The following ACSL1 variants were observed in gnomAD, a reference collection of about 807,000 sequenced individuals.
ACSL1 encodes acyl-CoA synthetase long chain family member 1, also known as long-chain-fatty-acid--CoA ligase 1.
In ACSL1, 41 loss-of-function variants were observed where a neutral mutation model predicts 98.4. The observed-to-expected ratio is 0.42, with a 90% CI of 0.32 to 0.54. The LOEUF is 0.54. ACSL1 is among the 20% of genes least tolerant of loss of function. ACSL1 has a pLI of 0.13. For missense variants in ACSL1, 734 were observed against 883.1 expected (o/e 0.83, Z 2.14); for synonymous variants, 316 against 322.7 (o/e 0.98, Z 0.22).
intron 12 of ACSL1, among the ~76,000 whole-genome samples, chr4:184,767,075 A>G (rs756663603): frequency 5.3e-5 from 8 of 152,098 alleles, no homozygotes; most frequent in Non-Finnish European, 8.8e-5. Flanking sequence ...TGAGCTCAGG[A>G]GTTTGAGTCC....
chr4:184,775,664 G>A (rs1343088168), intron 7 of ACSL1, among the ~76,000 whole-genome samples: 1 of 152,118 alleles, frequency 6.6e-6, no homozygotes, highest in Non-Finnish European at 1.5e-5. Context: ...GGGTTCCTCA[G>A]GAAAGGTTCT....
At chr4:184,795,920 C>CT (rs1379426373) in intron 2 of ACSL1, among the ~76,000 whole-genome samples, 5 of 152,202 alleles carry the variant, frequency 3.3e-5, no homozygotes, top group Non-Finnish European at 7.3e-5. Context: ...AAAAACACCC[C>CT]CTCTAAGCAT....
chr4:184,759,398 G>A (rs1219581127), intron 18 of ACSL1, among the ~76,000 whole-genome samples: 1 of 152,084 alleles, frequency 6.6e-6, no homozygotes, highest in Admixed American at 6.6e-5. Flanking sequence ...GAGCGAACAG[G>A]CAACCTACAG....
At chr4:184,786,642 G>C (rs1767393794) in intron 3 of ACSL1, among the ~76,000 whole-genome samples, 1 of 151,694 alleles carries the variant, frequency 6.6e-6, no homozygotes, top group South Asian at 2.1e-4. Flanking sequence ...AACTCGCCAA[G>C]CTGAGACATC....
At chr4:184,790,423 A>AC (rs1362840274) in intron 2 of ACSL1, among the ~76,000 whole-genome samples, 1 of 152,156 alleles carries the variant, frequency 6.6e-6, no homozygotes, top group African/African-American at 2.4e-5. Context: ...TGTGTGCTAC[A>AC]TGTGTGTATT....
Position 184,773,768 on chromosome 4 carries a change from A to G in ACSL1, c.790-54T>C, listed in dbSNP as rs1764860066. The G allele has an allele frequency of 6.2e-7, 1 of 1,610,720 alleles. No individual in the cohort carries two copies. Among genetic ancestry groups the G allele is most frequent in the Non-Finnish European group, 8.5e-7 (1 of 1,178,938 alleles). ...ATAAATCAGAACAGAAAAGAGAACT[A>G]TAAGCCACAAGGTACCAGGCTAGAT... On this transcript the variant is annotated intron_variant, in intron 8 of 20. Coordinates refer to ENST00000281455, the MANE Select transcript of ACSL1 (RefSeq NM_001995.5). This position sits in a 1 kb window ranked among gnomAD's most constrained non-coding sequence, Gnocchi z 4.3.
chr4:184,781,253 A>AGC (rs1766226143), intron 4 of ACSL1, among the ~76,000 whole-genome samples: 1 of 119,872 alleles, frequency 8.3e-6, no homozygotes, highest in African/African-American at 3.1e-5. Context: ...AAAAAAAAAA[A>AGC]GCCTACATAT....
At chr4:184,792,782 G>A (rs1768625383) in intron 2 of ACSL1, among the ~76,000 whole-genome samples, 1 of 151,984 alleles carries the variant, frequency 6.6e-6, no homozygotes, top group Admixed American at 6.6e-5. Context: ...TTTAAAAAAG[G>A]GTGTTAGCAA....
chr4:184,811,962 GTGATTT>G (rs1579962239), intron 1 of ACSL1, among the ~76,000 whole-genome samples: 1 of 152,212 alleles, frequency 6.6e-6, no homozygotes, highest in East Asian at 1.9e-4. Context: ...AGACAGGAGG[GTGATTT>G]GTGAGCAACC....
At chr4:184,792,165 T>G (rs1187445617) in intron 2 of ACSL1, among the ~76,000 whole-genome samples, 2 of 152,184 alleles carry the variant, frequency 1.3e-5, no homozygotes, top group African/African-American at 2.4e-5. Flanking sequence ...TCTTGACATG[T>G]AACCTGGGGC....
At chr4:184,813,640 A>G in intron 1 of ACSL1, 1 of 310,658 alleles carries the variant, frequency 3.2e-6, no homozygotes, top group Non-Finnish European at 6.7e-6. Flanking sequence ...ACGGCCTGTT[A>G]TTACGAAAGC....
At position 184,766,971 on chromosome 4, in the gene ACSL1, C is replaced by A. The variant is rs1763706026; in HGVS notation, c.1129-215G>T. 6.6e-6 allele frequency among the ~76,000 whole-genome samples: 1 copy of A among 152,110 alleles called. No individual in the cohort carries two copies. The highest frequency in any genetic ancestry group is 2.4e-5 in the African/African-American group (1 of 41,420). On this transcript the variant is annotated intron_variant, in intron 12 of 20. Transcript: ENST00000281455. This position sits in a 1 kb window ranked among gnomAD's most constrained non-coding sequence, Gnocchi z 4.8. Reference sequence around the variant, plus strand: ...CCCAGGAGCAATGGACACATACATCCCCAAATGCCCATCGAGTAGGAATGT... The same window carrying A: ...CCCAGGAGCAATGGACACATACATCACCAAATGCCCATCGAGTAGGAATGT...
At chr4:184,823,672 G>A (rs1325568661) in intron 1 of ACSL1, among the ~76,000 whole-genome samples, 1 of 152,158 alleles carries the variant, frequency 6.6e-6, no homozygotes, top group African/African-American at 2.4e-5. Flanking sequence ...TAGACATTAA[G>A]CATGCTAGAA....
At chr4:184,776,398 A>T in intron 7 of ACSL1, 86 bp downstream of exon 7, 1 of 1,444,694 alleles carries the variant, frequency 6.9e-7, no homozygotes, top group Non-Finnish European at 9.4e-7. Context: ...ACTGCACCAT[A>T]GCACTAGATA....
intron 2 of ACSL1, among the ~76,000 whole-genome samples, chr4:184,792,525 G>C (rs113653388): frequency 2.6e-5 from 4 of 152,078 alleles, no homozygotes; most frequent in Admixed American, 6.5e-5. Flanking sequence ...CGTCTCAACC[G>C]TCTGACTGAG....
intron 11 of ACSL1, among the ~76,000 whole-genome samples, chr4:184,769,763 G>C (rs564016272): frequency 1.2e-4 from 19 of 152,272 alleles, no homozygotes; most frequent in African/African-American, 4.6e-4. Flanking sequence ...ATGAATGAAT[G>C]GTGCTCATTG....
chr4:184,821,168 C>T lies in ACSL1; in HGVS notation c.-33+4748G>A, dbSNP rs1158917135. On this transcript the variant is annotated intron_variant, in intron 1 of 20. Coordinates refer to ENST00000281455, the MANE Select transcript of ACSL1 (RefSeq NM_001995.5). ...TCACTGCTCTGTTCCTAAGCCTGGC[C>T]GTGTCCAGGCTGTGGCTACCACCTC... The T allele has an allele frequency of 6.8e-5, 31 of 452,828 alleles. No individual in the cohort carries two copies. In the East Asian group the frequency reaches 8.4e-4, roughly 12 times the overall value. 28.1% of individuals were successfully genotyped at this position (452,828 alleles called of 1,614,324 possible). A position where few individuals can be genotyped will look rare whatever the true frequency, so the allele number is the denominator to read the frequency against.
Position 184,805,461 on chromosome 4 carries a change from G to A in ACSL1, c.-32-1915C>T, listed in dbSNP as rs1479351359. 1.1e-5 allele frequency: 11 copies of A among 985,262 alleles called. No homozygotes were observed. In the Admixed American group the frequency reaches 6.2e-4, roughly 55 times the overall value. 61.0% of individuals were successfully genotyped at this position (985,262 alleles called of 1,614,324 possible). A position where few individuals can be genotyped will look rare whatever the true frequency, so the allele number is the denominator to read the frequency against. ...TTACCATGACAGCAAAGAAAGAACA[G>A]ATAAGCAGATTTCTTCAGGCCATGG... On this transcript the variant is annotated intron_variant, in intron 1 of 20. Coordinates refer to ENST00000281455, the MANE Select transcript of ACSL1 (RefSeq NM_001995.5).
intron 1 of ACSL1, among the ~76,000 whole-genome samples, chr4:184,824,233 C>A (rs1458303894): frequency 6.6e-6 from 1 of 152,192 alleles, no homozygotes; most frequent in Non-Finnish European, 1.5e-5. Context: ...TCAAGCGATT[C>A]TCCTGGCTCA....
Sources: gnomAD v4.1 joint callset for allele counts (sites outside exome capture counted in the v4.1 genomes callset) on GRCh38, gnomAD v4.1.1 for gene constraint, Gnocchi (gnomAD v3.1) non-coding constraint, MANE v1.5 for transcripts, NCBI Gene and HGNC (gene_info 2026-07-23, HGNC 2026-07-21) for gene names.